SHTN1: variants seen among roughly 807,000 people sequenced by gnomAD.
SHTN1 encodes the protein shootin-1.
In SHTN1, 42 loss-of-function variants were observed where a neutral mutation model predicts 83.1. The observed-to-expected ratio is 0.51, with a 90% CI of 0.39 to 0.65. SHTN1 has a LOEUF of 0.65. Among genes scored for constraint, SHTN1 ranks in the 30% least tolerant of loss-of-function variants. The probability of loss-of-function intolerance (pLI) is 0.00; values close to 1 mark genes in which losing one functional copy is unlikely to be tolerated. For missense variants in SHTN1, 622 were observed against 737.8 expected (o/e 0.84, Z 1.82); for synonymous variants, 224 against 247.7 (o/e 0.90, Z 0.90).
At chr10:116,987,191 C>A (rs1739499093) in intron 1 of SHTN1, among the ~76,000 whole-genome samples, 1 of 152,086 alleles carries the variant, frequency 6.6e-6, no homozygotes, top group Non-Finnish European at 1.5e-5. Context: ...CTTGTCTCAT[C>A]TAAGAGGTAA....
chr10:117,091,108 T>C (rs1439078911), intron 1 of SHTN1, among the ~76,000 whole-genome samples: 1 of 152,138 alleles, frequency 6.6e-6, no homozygotes, highest in African/African-American at 2.4e-5. Flanking sequence ...CTGTTCCAAA[T>C]AGGAAATGAC....
intron 11 of SHTN1, among the ~76,000 whole-genome samples, chr10:116,923,751 A>C (rs1848644673): frequency 6.6e-6 from 1 of 152,070 alleles, no homozygotes; most frequent in Non-Finnish European, 1.5e-5. Context: ...TGGTCTCATC[A>C]TGTTGCCCAG....
At chr10:116,886,663 G>A (rs1057315179) in intron 16 of SHTN1, 97 bp from the exon 17 acceptor site, 11 of 1,519,720 alleles carry the variant, frequency 7.2e-6, no homozygotes, top group Non-Finnish European at 9.8e-6. Flanking sequence ...AACCCAAAAT[G>A]TTCTAAGTCT....
chr10:117,004,818 C>T (rs1851952938), intron 1 of SHTN1, among the ~76,000 whole-genome samples: 1 of 152,254 alleles, frequency 6.6e-6, no homozygotes, highest in Admixed American at 6.5e-5. Context: ...CTAGCCCCGA[C>T]ACTCCGCGTT....
At chr10:117,072,303 A>C (rs1435140563) in intron 1 of SHTN1, among the ~76,000 whole-genome samples, 1 of 152,160 alleles carries the variant, frequency 6.6e-6, no homozygotes, top group Non-Finnish European at 1.5e-5. Context: ...TGGTTCCATC[A>C]TAGCAGACGG....
intron 1 of SHTN1, among the ~76,000 whole-genome samples, chr10:117,090,329 C>T (rs926128014): frequency 2.6e-5 from 4 of 152,128 alleles, no homozygotes; most frequent in African/African-American, 9.7e-5. Flanking sequence ...ATACTGATAT[C>T]CCACTGATAA....
At chr10:116,949,109 A>C (rs1462630988) in intron 6 of SHTN1, 112 bp from the exon 7 acceptor site, 1 of 1,218,098 alleles carries the variant, frequency 8.2e-7, no homozygotes, top group Admixed American at 3.8e-5. Flanking sequence ...TTACAATTTA[A>C]AGCAGAAATT....
intron 2 of SHTN1, among the ~76,000 whole-genome samples, chr10:116,969,479 A>G (rs921345865): frequency 1.3e-5 from 2 of 152,124 alleles, no homozygotes; most frequent in Non-Finnish European, 2.9e-5. Context: ...AGGCAGCCAC[A>G]TGGCACACAC....
rs1849680885 is a variant in SHTN1 at position 116,948,955 on chromosome 10, C to G, written c.577G>C (p.Val193Leu). The G allele has an allele frequency of 6.3e-7, 1 of 1,575,078 alleles. No homozygotes were observed. The highest frequency in any genetic ancestry group is 1.2e-5 in the South Asian group (1 of 81,972). The change falls in exon 7 of 17, where the codon GTT (valine) becomes CTT (leucine). Residue 193 changes from valine (V) to leucine (L), a missense_variant. Val to Leu is a conservative substitution (Grantham distance 32). Around this residue, in one of 3 missense-constraint regions of SHTN1, gnomAD observed 383 missense variants for 455.8 expected, o/e 0.84. Transcript: ENST00000355371. ...KQEKTVLNSE[V>L]LEQRKVLEKC... ...TCTAAGACTTTTCTCTGTTCAAGAA[C>G]TTCTGAATTTAAAACAGTCTTTTCT...
intron 1 of SHTN1, among the ~76,000 whole-genome samples, chr10:117,102,015 A>AAAGAAG (rs540637238): frequency 3.2e-4 from 49 of 151,914 alleles, no homozygotes; most frequent in African/African-American, 1.2e-3. Context: ...AGAAAAAAAA[A>AAAGAAG]AAGAAGAAGA....
intron 15 of SHTN1, among the ~76,000 whole-genome samples, chr10:116,904,604 G>C (rs893444685): frequency 6.6e-6 from 1 of 151,666 alleles, no homozygotes; most frequent in Non-Finnish European, 1.5e-5. Flanking sequence ...TATTCTAACT[G>C]CCCTAAAATA....
intron 1 of SHTN1, among the ~76,000 whole-genome samples, chr10:117,054,348 T>C (rs749254212): frequency 6.6e-6 from 1 of 151,968 alleles, no homozygotes; most frequent in Non-Finnish European, 1.5e-5. Flanking sequence ...ACATCAATCT[T>C]GCTAAACAGG....
At chr10:117,019,322 C>T (rs1036653644) in intron 2 of SHTN1, among the ~76,000 whole-genome samples, 4 of 151,726 alleles carry the variant, frequency 2.6e-5, no homozygotes, top group African/African-American at 7.3e-5. Flanking sequence ...TAGATGAGAC[C>T]ACAGATGCAA....
In SHTN1 at chr10:117,122,524, G is replaced by C. The variant is rs1853945665; in HGVS notation, c.-189+3783C>G. Among the ~76,000 whole-genome samples the C allele has an allele frequency of 2.0e-5, 3 of 152,116 alleles. No homozygotes were observed. In the South Asian group the frequency reaches 6.2e-4, roughly 32 times the overall value. On this transcript the variant is annotated intron_variant, in intron 1 of 17. Transcript: ENST00000392901. ...TTCGATCCATAGTTAGTTGAAACAG[G>C]TATATGAAAAAGTGCTCAACATCAG...
intron 1 of SHTN1, among the ~76,000 whole-genome samples, chr10:117,090,153 A>C (rs1332592667): frequency 6.6e-6 from 1 of 152,242 alleles, no homozygotes; most frequent in Non-Finnish European, 1.5e-5. Flanking sequence ...CAAAAGAAAG[A>C]AGCAACCCAA....
chr10:117,112,313 A>C lies in SHTN1; in HGVS notation c.-189+13994T>G, dbSNP rs181947964. On this transcript the variant is annotated intron_variant, in intron 1 of 17. Coordinates refer to the SHTN1 transcript ENST00000392901. ...CCTGGTCATCAGAAGCAGGATCTCC[A>C]GTCAATTACAGACACAGCCAACAAA... Among the ~76,000 whole-genome samples the C allele has an allele frequency of 1.5e-4, 23 of 152,262 alleles. No individual in the cohort carries two copies. In the East Asian group the frequency reaches 4.4e-3, roughly 29 times the overall value.
intron 12 of SHTN1, among the ~76,000 whole-genome samples, chr10:116,917,854 C>T (rs1040854353): frequency 2.6e-5 from 4 of 152,124 alleles, no homozygotes; most frequent in Non-Finnish European, 5.9e-5. Flanking sequence ...AATGTAAAGG[C>T]TTAATTGGTT....
At chr10:116,901,668 A>G in intron 16 of SHTN1, 97 bp downstream of exon 16, 1 of 1,363,594 alleles carries the variant, frequency 7.3e-7, no homozygotes, top group Non-Finnish European at 9.4e-7. Flanking sequence ...CGGCGAGCCA[A>G]TCAAAATCTC....
chr10:116,941,618 C>G (rs1220730612), intron 8 of SHTN1, among the ~76,000 whole-genome samples: 1 of 152,166 alleles, frequency 6.6e-6, no homozygotes, highest in Non-Finnish European at 1.5e-5. Context: ...CTCTGAACTG[C>G]AAAATGATTT....
Sources: gnomAD v4.1 joint callset for allele counts (sites outside exome capture counted in the v4.1 genomes callset) on GRCh38, gnomAD v4.1.1 for gene constraint, gnomAD v4.1.1 regional missense constraint, MANE v1.5 for transcripts, NCBI Gene and HGNC (gene_info 2026-07-23, HGNC 2026-07-21) for gene names.